Variants in TLL1 observed in about 807,000 individuals in gnomAD.
TLL1 encodes tolloid like 1, also known as tolloid-like protein 1.
TLL1 carries 49 observed loss-of-function variants against 128.2 expected under a neutral mutation model. The observed-to-expected ratio is 0.38, with a 90% confidence interval of 0.30 to 0.48. TLL1 has a LOEUF of 0.48. Ranked by LOEUF, TLL1 falls within the 20% of genes least tolerant of loss-of-function variation. The pLI, the probability that TLL1 is intolerant of heterozygous loss-of-function variation, is 0.96. For missense variants in TLL1, 1,123 were observed against 1,242.0 expected (o/e 0.90, Z 1.44); for synonymous variants, 454 against 418.8 (o/e 1.08, Z -1.03).
intron 12 of TLL1, among the ~76,000 whole-genome samples, chr4:166,053,558 A>C (rs1217616911): frequency 2.0e-5 from 3 of 152,126 alleles, no homozygotes; most frequent in Non-Finnish European, 4.4e-5. Flanking sequence ...TTCTAACTAA[A>C]TCTGTGCTTC....
At chr4:165,973,339 C>T (rs1306806120) in intron 1 of TLL1, among the ~76,000 whole-genome samples, 3 of 151,758 alleles carry the variant, frequency 2.0e-5, no homozygotes, top group Non-Finnish European at 4.4e-5. Context: ...CCCAGGATTT[C>T]CTATCCTGGG....
chr4:166,022,228 A>T (rs953377858), intron 8 of TLL1, among the ~76,000 whole-genome samples: 1 of 151,086 alleles, frequency 6.6e-6, no homozygotes, highest in Non-Finnish European at 1.5e-5. Flanking sequence ...GCAGTGATGC[A>T]ATATGGGCTT....
intron 5 of TLL1, among the ~76,000 whole-genome samples, chr4:165,995,888 AAC>A (rs1246819391): frequency 6.6e-6 from 1 of 152,134 alleles, no homozygotes; most frequent in Non-Finnish European, 1.5e-5. Context: ...AATTTTGTAA[AAC>A]ACATCCAAAG....
chr4:166,009,544 T>A (rs914097603), intron 7 of TLL1, among the ~76,000 whole-genome samples: 3 of 151,460 alleles, frequency 2.0e-5, no homozygotes, highest in African/African-American at 7.3e-5. Flanking sequence ...GCTTATGAGT[T>A]GAATGCCAAT....
rs1739152545 is a variant in TLL1, at chr4:166,039,562, TGTTA to T, written c.1261+126_1261+129del. 4 of 726,116 alleles carry T rather than the reference TGTTA, an allele frequency of 5.5e-6. No individual in the cohort carries two copies. In the East Asian group the frequency reaches 8.1e-5, roughly 15 times the overall value. The allele number at this position is 726,116 out of a possible 1,614,324, so 45.0% of individuals were successfully genotyped here. On this transcript the variant is annotated intron_variant, in intron 10 of 20. Transcript: ENST00000061240. The stretch of plus-strand genomic sequence containing the variant: ...ATGTGTGTGACTAACATTATTTTTA[TGTTA>T]GTTATACTTTTTTCAACCATACCAA...
intron 1 of TLL1, among the ~76,000 whole-genome samples, chr4:165,875,729 T>G (rs1730696720): frequency 6.6e-6 from 1 of 152,182 alleles, no homozygotes; most frequent in Non-Finnish European, 1.5e-5. Flanking sequence ...TTGTGCGTTT[T>G]CTTGTTTGTG....
chr4:165,926,550 G>T (rs189255911), intron 1 of TLL1, among the ~76,000 whole-genome samples: 118 of 152,304 alleles, frequency 7.7e-4, no homozygotes, highest in South Asian at 2.9e-3. Context: ...AGAAGGCAGA[G>T]GGGGGAGTCC....
chr4:165,964,587 A>C (rs969929232), intron 1 of TLL1, among the ~76,000 whole-genome samples: 2 of 152,066 alleles, frequency 1.3e-5, no homozygotes, highest in Non-Finnish European at 2.9e-5. Flanking sequence ...TGCAATTCCT[A>C]CCTCCGAGGG....
At chr4:165,945,110 T>C (rs1054214971) in intron 1 of TLL1, among the ~76,000 whole-genome samples, 1 of 152,030 alleles carries the variant, frequency 6.6e-6, no homozygotes, top group African/African-American at 2.4e-5. Context: ...AATAGACCGA[T>C]GAGGAATAGC....
Position 165,950,574 on chromosome 4 carries a change from G to C in TLL1, c.170-38807G>C, listed in dbSNP as rs990815317. 3.3e-5 allele frequency among the ~76,000 whole-genome samples: 5 copies of C among 152,110 alleles called. No homozygotes were observed. In the East Asian group the frequency reaches 7.7e-4, roughly 24 times the overall value. On this transcript the variant is annotated intron_variant, in intron 1 of 20. Transcript: ENST00000061240. ...AAATTATTCAACTTTTACAATAATAGAGGTAAAGTAGAAGTTGACAACAGA... is the reference window on the plus strand; with the variant it reads ...AAATTATTCAACTTTTACAATAATACAGGTAAAGTAGAAGTTGACAACAGA...
chr4:165,936,454 C>A (rs921999195), intron 1 of TLL1, among the ~76,000 whole-genome samples: 1 of 151,146 alleles, frequency 6.6e-6, no homozygotes, highest in Non-Finnish European at 1.5e-5. Flanking sequence ...TCAGGTGATC[C>A]GCCTGCCTCG....
intron 1 of TLL1, among the ~76,000 whole-genome samples, chr4:165,904,164 T>G (rs953869278): frequency 2.6e-5 from 4 of 152,282 alleles, no homozygotes; most frequent in African/African-American, 9.6e-5. Context: ...ACAGTTAAAA[T>G]CCATGAAATG....
At chr4:166,077,686 T>C (rs1579714314) in intron 17 of TLL1, among the ~76,000 whole-genome samples, 1 of 152,172 alleles carries the variant, frequency 6.6e-6, no homozygotes, top group African/African-American at 2.4e-5. Flanking sequence ...TTATGGTAAA[T>C]ACTTAATTTC....
At chr4:166,044,407 G>A in intron 12 of TLL1, 1 of 1,535,498 alleles carries the variant, frequency 6.5e-7, no homozygotes, top group South Asian at 1.2e-5. Context: ...TAAAGCCAGA[G>A]AATCTCTCAT....
At chr4:165,891,896 C>T (rs2110832875) in intron 1 of TLL1, among the ~76,000 whole-genome samples, 1 of 152,294 alleles carries the variant, frequency 6.6e-6, no homozygotes, top group South Asian at 2.1e-4. Flanking sequence ...CAGTAACTCA[C>T]TCTACAAGTA....
At chr4:166,043,467 C>CA in intron 12 of TLL1, 48 bp downstream of exon 12, 1 of 1,611,630 alleles carries the variant, frequency 6.2e-7, no homozygotes, top group Non-Finnish European at 8.5e-7. Context: ...CCATAAACGA[C>CA]AATGGCATTT....
At chr4:165,994,678 G>A in intron 4 of TLL1, 145 bp downstream of exon 4, 1 of 931,298 alleles carries the variant, frequency 1.1e-6, no homozygotes, top group Non-Finnish European at 1.6e-6. Context: ...GGTTATTAGT[G>A]TAGAGTGTCT....
chr4:166,074,861 A>T lies in TLL1; in HGVS notation c.2189-17A>T. The stretch of plus-strand genomic sequence containing the variant: ...TTAAAGTTACTTACTAGACTATGGG[A>T]TTGATCTCTTTGCTAGACAAAGATG... On this transcript the variant is annotated splice_polypyrimidine_tract_variant and intron_variant, in intron 16 of 20. Transcript: ENST00000061240. The T allele has an allele frequency of 3.1e-6, 5 of 1,612,768 alleles. No homozygotes were observed. The highest frequency in any genetic ancestry group is 3.4e-6 in the Non-Finnish European group (4 of 1,179,156).
At chr4:165,892,645 CAG>C (rs1025232896) in intron 1 of TLL1, among the ~76,000 whole-genome samples, 2 of 152,024 alleles carry the variant, frequency 1.3e-5, no homozygotes, top group Middle Eastern at 3.2e-3. Context: ...ATCTGAAAAT[CAG>C]GAAAGTGAAA....
Sources: gnomAD v4.1 joint callset for allele counts (sites outside exome capture counted in the v4.1 genomes callset) on GRCh38, gnomAD v4.1.1 for gene constraint, MANE v1.5 for transcripts, NCBI Gene and HGNC (gene_info 2026-07-23, HGNC 2026-07-21) for gene names.